Variants in FAHD1 observed in about 807,000 individuals in gnomAD.
The protein encoded by FAHD1 is oxaloacetate tautomerase FAHD1, mitochondrial.
A neutral mutation model predicts 12.7 loss-of-function variants in FAHD1; 14 were observed. The ratio of observed to expected loss-of-function variants is 1.10; its 90% CI spans 0.73 to 1.72. The LOEUF (loss-of-function observed/expected upper bound fraction) is 1.72. Ranked by LOEUF, FAHD1 falls within the 40% of genes most tolerant of loss-of-function variation. The pLI is 0.00. For synonymous variants in FAHD1, 153 were observed against 124.9 expected, an observed-to-expected ratio of 1.22 and a Z score of -1.50; for missense variants, 351 against 298.9, an observed-to-expected ratio of 1.17 and a Z score of -1.29.
At chr16:1,829,235 C>T (rs1028274251), downstream of FAHD1, among the ~76,000 whole-genome samples, 1 of 152,138 alleles carries the variant, frequency 6.6e-6, no homozygotes, top group Non-Finnish European at 1.5e-5. Flanking sequence ...TCTGCTGGCC[C>T]CTGAAGAAAG....
chr16:1,829,795 G>C (rs911839578), downstream of FAHD1, among the ~76,000 whole-genome samples: 3 of 152,082 alleles, frequency 2.0e-5, no homozygotes, highest in Admixed American at 1.3e-4. Context: ...GTTCTTCCAA[G>C]TCTGTGGATA....
At chr16:1,833,226 T>A (rs998458505), downstream of FAHD1, among the ~76,000 whole-genome samples, 2 of 152,150 alleles carry the variant, frequency 1.3e-5, no homozygotes, top group Non-Finnish European at 2.9e-5. Flanking sequence ...AAGTGGCAGC[T>A]GTCGTCCTCA....
At chr16:1,834,969 G>A (rs1258987940) in intron 1 of FAHD1, among the ~76,000 whole-genome samples, 2 of 109,114 alleles carry the variant, frequency 1.8e-5, no homozygotes, top group Admixed American at 1.2e-4. Context: ...AATGTCTAAT[G>A]CAGGGCTGGG....
rs200357596 is a variant in FAHD1 at position 1,827,542 on chromosome 16, G to A, written c.304G>A (p.Ala102Thr). The change falls in exon 1 of 1, where the codon GCC becomes ACC. Residue 102 changes from alanine (A) to threonine (T), a missense_variant. Transcript: ENST00000427358. ...CTATGCCCTGTGCCTGGATATGACC[G>A]CCCGGGACGTGCAGGACGAGTGCAA... The A allele has an allele frequency of 3.7e-6, 6 of 1,613,156 alleles. No homozygotes were observed. In the African/African-American group the frequency reaches 8.0e-5, roughly 22 times the overall value.
chr16:1,837,461 C>T (rs1898781214), intron 1 of FAHD1, among the ~76,000 whole-genome samples: 1 of 152,146 alleles, frequency 6.6e-6, no homozygotes, highest in Non-Finnish European at 1.5e-5. Context: ...CCACCTCAGC[C>T]TACCAAGTAG....
At chr16:1,827,303 G>C in exon 1 of FAHD1, 2 of 1,613,210 alleles carry the variant, frequency 1.2e-6, no homozygotes, top group Non-Finnish European at 1.7e-6. Context: ...TGCGTGGGGA[G>C]GAACTACGCG....
exon 3 of FAHD1, chr16:1,839,676 T>G: frequency 2.3e-6 from 1 of 434,868 alleles, no homozygotes. Flanking sequence ...CCTCCTTCCC[T>G]CCCTCTGCCA....
chr16:1,828,993 T>C (rs1898572680), downstream of FAHD1: 1 of 895,074 alleles, frequency 1.1e-6, no homozygotes, highest in South Asian at 5.3e-5. Flanking sequence ...ACCTTAGTCT[T>C]TGACCTTTGG....
At chr16:1,827,618 C>G (rs1281186094) in exon 1 of FAHD1, 3 of 1,613,924 alleles carry the variant, frequency 1.9e-6, no homozygotes, top group East Asian at 2.2e-5. Flanking sequence ...GCGTCCTGCC[C>G]GGTCAGCGCG....
downstream of FAHD1, among the ~76,000 whole-genome samples, chr16:1,832,264 G>T (rs1392122397): frequency 2.2e-5 from 3 of 134,506 alleles, no homozygotes; most frequent in Admixed American, 1.7e-4. Context: ...TCCGCCTCCC[G>T]GGTTCACGCC....
At chr16:1,831,731 C>T (rs1486097924), downstream of FAHD1, among the ~76,000 whole-genome samples, 1 of 152,164 alleles carries the variant, frequency 6.6e-6, no homozygotes, top group Non-Finnish European at 1.5e-5. Context: ...GGCAAGTGAG[C>T]ATTCCCGCCC....
chr16:1,833,197 G>A (rs1287396299), downstream of FAHD1, among the ~76,000 whole-genome samples: 2 of 152,178 alleles, frequency 1.3e-5, no homozygotes, highest in East Asian at 3.9e-4. Context: ...CTTTGTGGCT[G>A]CTGCAAAGCA....
chr16:1,828,590 C>G (rs928487267), exon 1 of FAHD1: 24 of 999,798 alleles, frequency 2.4e-5, no homozygotes, highest in Non-Finnish European at 2.9e-5. Flanking sequence ...ACCAAATTTT[C>G]TTAGATTTGG....
intron 1 of FAHD1, among the ~76,000 whole-genome samples, chr16:1,836,329 G>A (rs1898748350): frequency 6.6e-6 from 1 of 152,206 alleles, no homozygotes; most frequent in South Asian, 2.1e-4. Context: ...GGAAAGTGCA[G>A]TATCCACTTG....
At chr16:1,839,646 T>C (rs1006260780) in exon 3 of FAHD1, 7 of 505,424 alleles carry the variant, frequency 1.4e-5, no homozygotes, top group African/African-American at 3.9e-5. Context: ...TGAAACTGCG[T>C]ACACCAGTCC....
At chr16:1,836,521 T>C (rs9652786) in intron 1 of FAHD1, among the ~76,000 whole-genome samples, 27,383 of 147,952 alleles carry the variant, frequency 0.19, 2,950 homozygotes, top group South Asian at 0.27. Flanking sequence ...CCATGCTAAC[T>C]GTTGAAGAGA....
At position 1,828,137 on chromosome 16, in the gene FAHD1, C is replaced by T. The variant is rs1231910396; in HGVS notation, c.*233C>T. On this transcript the variant is annotated 3_prime_UTR_variant, in exon 1 of 1. Transcript: ENST00000427358. ...TCTACTAAAAATACAAAAAATTAGC[C>T]GGGCGTGGTGGCGGGCGCCTGTAGT... is the stretch of plus-strand genomic sequence containing the variant. 7 of 897,698 alleles carry T rather than the reference C, an allele frequency of 7.8e-6. No individual in the cohort carries two copies. The East Asian group carries it at 2.5e-4, about 33-fold the overall frequency. 55.6% of individuals were successfully genotyped at this position (897,698 alleles called of 1,614,324 possible). A position where few individuals can be genotyped will look rare whatever the true frequency, so the allele number is the denominator to read the frequency against.
downstream of FAHD1, chr16:1,828,994 T>A (rs1434280644): frequency 4.5e-6 from 4 of 885,584 alleles, no homozygotes; most frequent in African/African-American, 5.5e-5. Flanking sequence ...CCTTAGTCTT[T>A]GACCTTTGGC....
At chr16:1,836,884 C>T (rs1178429829) in intron 1 of FAHD1, among the ~76,000 whole-genome samples, 1 of 152,160 alleles carries the variant, frequency 6.6e-6, no homozygotes, top group Non-Finnish European at 1.5e-5. Context: ...AGCTGCAGTA[C>T]AGCAAGTATC....
Sources: gnomAD v4.1 joint callset for allele counts (sites outside exome capture counted in the v4.1 genomes callset) on GRCh38, gnomAD v4.1.1 for gene constraint, MANE v1.5 for transcripts, NCBI Gene and HGNC (gene_info 2026-07-23, HGNC 2026-07-21) for gene names.